Variants in KAZN observed in about 807,000 individuals in gnomAD.
The protein encoded by KAZN is kazrin.
Under a neutral mutation model 87.4 loss-of-function variants are expected in KAZN, and 40 were observed. The observed-to-expected ratio is 0.46, with a 90% CI of 0.36 to 0.60. The LOEUF (loss-of-function observed/expected upper bound fraction) is 0.60, where lower values mean the gene tolerates loss of function less well. Ranked by LOEUF, KAZN falls within the 20% of genes least tolerant of loss-of-function variation. The probability of loss-of-function intolerance (pLI) is 0.00; values close to 1 mark genes in which losing one functional copy is unlikely to be tolerated. For missense variants in KAZN, 898 were observed against 1,073.9 expected (o/e 0.84, Z 2.29); for synonymous variants, 466 against 458.3 (o/e 1.02, Z -0.22).
At chr1:14,754,687 G>T (rs6683649) in intron 1 of KAZN, among the ~76,000 whole-genome samples, 13 of 151,860 alleles carry the variant, frequency 8.6e-5, no homozygotes, top group Non-Finnish European at 7.4e-5. Flanking sequence ...TCACGTTGTT[G>T]GATGATGTTT....
intron 2 of KAZN, among the ~76,000 whole-genome samples, chr1:14,242,393 A>G (rs532752012): frequency 7.2e-5 from 11 of 152,338 alleles, no homozygotes; most frequent in African/African-American, 1.7e-4. Context: ...AATGATGTCT[A>G]TGAGAATGAC....
At chr1:15,075,312 G>T (rs1639689569) in intron 8 of KAZN, among the ~76,000 whole-genome samples, 1 of 152,124 alleles carries the variant, frequency 6.6e-6, no homozygotes, top group Admixed American at 6.5e-5. Flanking sequence ...AGTAAGTTTT[G>T]GAAACACTGC....
chr1:14,002,569 C>T (rs544277851), intron 1 of KAZN, among the ~76,000 whole-genome samples: 69 of 152,254 alleles, frequency 4.5e-4, no homozygotes, highest in African/African-American at 1.6e-3. Flanking sequence ...TTTTTGTTCC[C>T]GGTTTTGGGT....
intron 2 of KAZN, among the ~76,000 whole-genome samples, chr1:14,475,922 G>A (rs1668697569): frequency 6.6e-6 from 1 of 152,042 alleles, no homozygotes; most frequent in Non-Finnish European, 1.5e-5. Flanking sequence ...CTTCTTTTGT[G>A]TTATCTTGAT....
chr1:14,704,500 G>C (rs554033870), intron 1 of KAZN, among the ~76,000 whole-genome samples: 2 of 152,234 alleles, frequency 1.3e-5, no homozygotes, highest in South Asian at 4.1e-4. Flanking sequence ...GCACAGAGGA[G>C]TGACTTGACT....
intron 1 of KAZN, among the ~76,000 whole-genome samples, chr1:13,993,361 G>C (rs1202703121): frequency 6.6e-6 from 1 of 152,158 alleles, no homozygotes; most frequent in African/African-American, 2.4e-5. Flanking sequence ...CCAGGTTTTA[G>C]TAAGAATGGA....
intron 1 of KAZN, among the ~76,000 whole-genome samples, chr1:14,958,071 C>T (rs1304703489): frequency 6.6e-6 from 1 of 152,164 alleles, no homozygotes; most frequent in Non-Finnish European, 1.5e-5. Context: ...GAGAGGCGCC[C>T]CATCCTCAGG....
At chr1:14,392,432 T>C (rs1261776993) in intron 2 of KAZN, among the ~76,000 whole-genome samples, 1 of 152,104 alleles carries the variant, frequency 6.6e-6, no homozygotes, top group Non-Finnish European at 1.5e-5. Flanking sequence ...CGGTTCCTAG[T>C]TGGCCGGTCA....
At chr1:14,551,198 C>G (rs906184501) in intron 2 of KAZN, among the ~76,000 whole-genome samples, 2 of 152,194 alleles carry the variant, frequency 1.3e-5, no homozygotes, top group African/African-American at 4.8e-5. Context: ...ACAGTATTCA[C>G]TAAACCCACC....
At chr1:14,075,995 A>T (rs1557454836) in intron 1 of KAZN, among the ~76,000 whole-genome samples, 1 of 152,166 alleles carries the variant, frequency 6.6e-6, no homozygotes, top group South Asian at 2.1e-4. Context: ...CGAAAGGGAA[A>T]TGTAGACTGG....
intron 1 of KAZN, among the ~76,000 whole-genome samples, chr1:14,897,094 T>C (rs1268064245): frequency 6.6e-6 from 1 of 152,234 alleles, no homozygotes; most frequent in Non-Finnish European, 1.5e-5. Flanking sequence ...CCTTTCTTGG[T>C]GATTCTTTTG....
At chr1:14,852,433 C>T (rs957678195) in intron 1 of KAZN, among the ~76,000 whole-genome samples, 7 of 152,222 alleles carry the variant, frequency 4.6e-5, no homozygotes, top group South Asian at 2.1e-4. Flanking sequence ...GAGGAGGAAC[C>T]GGAGCCAAAT....
chr1:14,393,700 A>T (rs1039851652), intron 2 of KAZN, among the ~76,000 whole-genome samples: 1 of 152,038 alleles, frequency 6.6e-6, no homozygotes, highest in Non-Finnish European at 1.5e-5. Flanking sequence ...AGCATTGAGG[A>T]CCTAAATCAG....
intron 1 of KAZN, among the ~76,000 whole-genome samples, chr1:14,656,028 A>T (rs1322658262): frequency 6.6e-6 from 1 of 152,190 alleles, no homozygotes; most frequent in Non-Finnish European, 1.5e-5. Flanking sequence ...GGCAACCTTC[A>T]TTCAACCCAC....
At chr1:14,269,815 A>T (rs1651780816) in intron 2 of KAZN, among the ~76,000 whole-genome samples, 1 of 152,212 alleles carries the variant, frequency 6.6e-6, no homozygotes, top group South Asian at 2.1e-4. Context: ...CTACATGTGT[A>T]CTTTAGGAAG....
chr1:14,732,983 G>C (rs1314454263), intron 1 of KAZN, among the ~76,000 whole-genome samples: 1 of 152,034 alleles, frequency 6.6e-6, no homozygotes, highest in African/African-American at 2.4e-5. Flanking sequence ...TATGTTCACG[G>C]AGCAAGCAGA....
In KAZN at chr1:14,598,717, G is replaced by A; in HGVS notation, c.-281G>A. The stretch of plus-strand genomic sequence containing the variant: ...GAGCAGCTCTCGGCGCCCGCCCGCC[G>A]GGGTCTCGGCGATCGCTGCTCCTCC... On this transcript the variant is annotated 5_prime_UTR_variant, in exon 1 of 15. Coordinates refer to ENST00000376030, the MANE Select transcript of KAZN (RefSeq NM_201628.3). The surrounding 1 kb of genome is among the most constrained non-coding windows in gnomAD (Gnocchi z 4.2). 2 of 1,315,750 alleles carry A rather than the reference G, an allele frequency of 1.5e-6. No homozygotes were observed. The highest frequency in any genetic ancestry group is 2.2e-5 in the South Asian group (1 of 44,724). 81.5% of individuals were successfully genotyped at this position (1,315,750 alleles called of 1,614,324 possible).
chr1:13,929,524 C>T lies in KAZN; in HGVS notation c.91+35768C>T, dbSNP rs555085452. Among the ~76,000 whole-genome samples, 14 of 152,252 alleles carry T rather than the reference C, an allele frequency of 9.2e-5. 1 individual carries two copies. In the South Asian group the frequency reaches 1.5e-3, roughly 16 times the overall value. On this transcript the variant is annotated intron_variant, in intron 1 of 16. Transcript: ENST00000636203. ...TGGGCAGAATGACTTTGGTGATGCTCACATCAATGTCAGCCTGGGGCTTTG... is the reference window on the plus strand; with the variant it reads ...TGGGCAGAATGACTTTGGTGATGCTTACATCAATGTCAGCCTGGGGCTTTG...
intron 2 of KAZN, among the ~76,000 whole-genome samples, chr1:14,992,835 G>T (rs912721506): frequency 6.6e-6 from 1 of 151,830 alleles, no homozygotes; most frequent in Non-Finnish European, 1.5e-5. Flanking sequence ...GTAGAGATGG[G>T]GTTTCATCAT....
Sources: allele counts gnomAD v4.1 joint callset (sites outside exome capture counted in the v4.1 genomes callset), GRCh38; gene constraint gnomAD v4.1.1; non-coding constraint Gnocchi (gnomAD v3.1); transcripts MANE v1.5; gene names NCBI Gene and HGNC (gene_info 2026-07-23, HGNC 2026-07-21).